The following BTF3L4 variants were observed in gnomAD, a reference collection of about 807,000 sequenced individuals.
The protein encoded by BTF3L4 is basic transcription factor 3 like 4.
BTF3L4 carries 6 observed loss-of-function variants against 16.8 expected under a neutral mutation model. That is an observed-to-expected ratio of 0.36 (90% confidence interval 0.20 to 0.71). BTF3L4 has a LOEUF of 0.71. BTF3L4 is among the 30% of genes least tolerant of loss of function. The probability of loss-of-function intolerance (pLI) is 0.58; values close to 1 mark genes in which losing one functional copy is unlikely to be tolerated. For missense variants in BTF3L4, 92 were observed against 186.9 expected (o/e 0.49, Z 2.96); for synonymous variants, 39 against 59.8 (o/e 0.65, Z 1.60).
chr1:52,085,049 C>G (rs1643958894), intron 4 of BTF3L4, among the ~76,000 whole-genome samples: 1 of 96,134 alleles, frequency 1.0e-5, no homozygotes, highest in Non-Finnish European at 1.9e-5. Flanking sequence ...GAGACAGAGT[C>G]TTGCTCTGTT....
chr1:52,083,438 A>G lies in BTF3L4; in HGVS notation c.267A>G (p.Ala89=). Residue 89 remains alanine (A), a synonymous_variant, in exon 4 of 6, where the codon GCA becomes GCG. Coordinates refer to ENST00000313334, the MANE Select transcript of BTF3L4 (RefSeq NM_152265.5). ...ATACCTTTGCAATTACTGGTCATGC[A>G]GAAGCCAAACCAATCACAGAAATGC... ...SANTFAITGH[A]EAKPITEMLP... 1 of 1,610,058 alleles carries G rather than the reference A, an allele frequency of 6.2e-7. No homozygotes were observed. Among genetic ancestry groups the G allele is most frequent in the Non-Finnish European group, 8.5e-7 (1 of 1,176,558 alleles).
At chr1:52,077,347 G>A (rs750593570) in intron 3 of BTF3L4, among the ~76,000 whole-genome samples, 2 of 152,126 alleles carry the variant, frequency 1.3e-5, no homozygotes, top group South Asian at 2.1e-4. Flanking sequence ...TTTGAGACCA[G>A]CCTGGCCAAC....
In BTF3L4 at chr1:52,089,694, T is replaced by C. The variant is rs1243068752; in HGVS notation, c.*2936T>C. On this transcript the variant is annotated 3_prime_UTR_variant, in exon 6 of 6. Coordinates refer to ENST00000313334, the MANE Select transcript of BTF3L4 (RefSeq NM_152265.5). The stretch of plus-strand genomic sequence containing the variant: ...TAATTTTTGTGTTAGTCCTTTGAGG[T>C]TTTTTTGTTTTTGTTTTTGTTCTTT... 5 of 152,068 alleles carry C rather than the reference T, an allele frequency of 3.3e-5. No homozygotes were observed. The highest frequency in any genetic ancestry group is 7.4e-5 in the Non-Finnish European group (5 of 68,012). 9.4% of individuals were successfully genotyped at this position (152,068 alleles called of 1,614,324 possible). A position where few individuals can be genotyped will look rare whatever the true frequency, so the allele number is the denominator to read the frequency against.
intron 2 of BTF3L4, among the ~76,000 whole-genome samples, chr1:52,063,266 A>G (rs936006448): frequency 6.6e-6 from 1 of 152,226 alleles, no homozygotes; most frequent in Non-Finnish European, 1.5e-5. Flanking sequence ...TTAGGAAATA[A>G]GAATAGATTG....
At chr1:52,074,871 A>G (rs1288170539) in intron 3 of BTF3L4, among the ~76,000 whole-genome samples, 3 of 152,030 alleles carry the variant, frequency 2.0e-5, no homozygotes, top group Non-Finnish European at 4.4e-5. Flanking sequence ...TTTTGAAACA[A>G]GGTCTCACTC....
At chr1:52,077,400 G>A (rs1686960944) in intron 3 of BTF3L4, among the ~76,000 whole-genome samples, 1 of 152,088 alleles carries the variant, frequency 6.6e-6, no homozygotes, top group Non-Finnish European at 1.5e-5. Context: ...AAATTAGCTG[G>A]GCGTGGTGTC....
At chr1:52,058,689 C>T (rs1558002900) in intron 1 of BTF3L4, among the ~76,000 whole-genome samples, 1 of 152,060 alleles carries the variant, frequency 6.6e-6, no homozygotes, top group Non-Finnish European at 1.5e-5. Context: ...GCAACCTCCG[C>T]CTCCCGGGTT....
At chr1:52,078,322 C>G (rs958653166) in intron 3 of BTF3L4, among the ~76,000 whole-genome samples, 1 of 149,964 alleles carries the variant, frequency 6.7e-6, no homozygotes, top group Non-Finnish European at 1.5e-5. Context: ...CTCAGTTTCC[C>G]TAAGTGCTGG....
At chr1:52,069,888 CCTTCCAGAG>C (rs1404491876) in intron 3 of BTF3L4, among the ~76,000 whole-genome samples, 1 of 151,774 alleles carries the variant, frequency 6.6e-6, no homozygotes, top group Non-Finnish European at 1.5e-5. Context: ...TTTTTTTCCC[CCTTCCAGAG>C]CTTAATTGGT....
rs1006068494 is a variant in BTF3L4 at position 52,073,937 on chromosome 1, C to T, written c.168+8999C>T. 3.3e-5 allele frequency among the ~76,000 whole-genome samples: 5 copies of T among 152,030 alleles called. No individual in the cohort carries two copies. The East Asian group carries it at 9.7e-4, about 30-fold the overall frequency. ...GCTTGAACCCAGGAGGCGGAGGTTG[C>T]AGTGAACTGAGATCGTGTCACTGCA... On this transcript the variant is annotated intron_variant, in intron 3 of 5. Coordinates refer to ENST00000313334, the MANE Select transcript of BTF3L4 (RefSeq NM_152265.5).
intron 3 of BTF3L4, among the ~76,000 whole-genome samples, chr1:52,067,547 C>T (rs576978574): frequency 6.6e-6 from 1 of 152,202 alleles, no homozygotes; most frequent in African/African-American, 2.4e-5. Flanking sequence ...TATATATTTT[C>T]ATGGACCTCA....
rs577360666 is a variant in BTF3L4, at chr1:52,076,548, C to T, written c.169-6792C>T. Among the ~76,000 whole-genome samples the T allele has an allele frequency of 8.8e-5, 12 of 136,044 alleles. No individual in the cohort carries two copies. In the South Asian group the frequency reaches 2.1e-3, roughly 24 times the overall value. The allele number at this position is 136,044 out of a possible 152,430, so 89.3% of individuals were successfully genotyped here. ...GCCGGAGGTTGCAGTGAGCCGAGAT[C>T]GCACCACTGCACTCCAGCCTGGGTG... On this transcript the variant is annotated intron_variant, in intron 3 of 5. Transcript: ENST00000313334.
intron 3 of BTF3L4, among the ~76,000 whole-genome samples, chr1:52,081,571 C>T (rs532322157): frequency 3.3e-5 from 5 of 152,152 alleles, no homozygotes; most frequent in Admixed American, 1.3e-4. Flanking sequence ...TCATCCTTCT[C>T]GAGCCCAGAT....
At chr1:52,084,281 A>G (rs1643949583) in intron 4 of BTF3L4, among the ~76,000 whole-genome samples, 1 of 152,020 alleles carries the variant, frequency 6.6e-6, no homozygotes, top group Non-Finnish European at 1.5e-5. Flanking sequence ...CAGGGACTAC[A>G]GGTGGTGTGC....
intron 3 of BTF3L4, among the ~76,000 whole-genome samples, chr1:52,069,193 A>G (rs1448961443): frequency 6.6e-6 from 1 of 152,170 alleles, no homozygotes; most frequent in African/African-American, 2.4e-5. Flanking sequence ...CAAGGTGGCA[A>G]CCATAAAATT....
rs1295684833 is a variant in BTF3L4, at chr1:52,075,981, A to G, written c.169-7359A>G. On this transcript the variant is annotated intron_variant, in intron 3 of 5. Coordinates refer to ENST00000313334, the MANE Select transcript of BTF3L4 (RefSeq NM_152265.5). The stretch of plus-strand genomic sequence containing the variant: ...TGCTCGGCCTCTGTAGATTCTTGAA[A>G]GTGTAGTTACTGGCTGAAAGAGCCA... Among the ~76,000 whole-genome samples, 4 of 152,202 alleles carry G rather than the reference A, an allele frequency of 2.6e-5. No homozygotes were observed. The East Asian group carries it at 7.7e-4, about 29-fold the overall frequency.
chr1:52,059,159 T>C (rs1373113501), intron 1 of BTF3L4, among the ~76,000 whole-genome samples: 1 of 151,992 alleles, frequency 6.6e-6, no homozygotes, highest in Non-Finnish European at 1.5e-5. Flanking sequence ...TGCAAGAATG[T>C]CTTGACAAGT....
chr1:52,090,422 C>T lies in BTF3L4; in HGVS notation c.*3664C>T, dbSNP rs551012470. ...ACCTGTGTTGAACAACACTCCAGTT[C>T]AGCCTGTATTGCTATGCCACATAGA... On this transcript the variant is annotated 3_prime_UTR_variant, in exon 6 of 6. Transcript: ENST00000313334. 1 of 152,184 alleles carries T rather than the reference C, an allele frequency of 6.6e-6. No individual in the cohort carries two copies. The highest frequency in any genetic ancestry group is 1.5e-5 in the Non-Finnish European group (1 of 68,036). The allele number at this position is 152,184 out of a possible 1,614,324, so 9.4% of individuals were successfully genotyped here.
At chr1:52,063,489 C>T (rs1686571517) in intron 2 of BTF3L4, among the ~76,000 whole-genome samples, 1 of 151,988 alleles carries the variant, frequency 6.6e-6, no homozygotes, top group Admixed American at 6.6e-5. Flanking sequence ...AGACTGAAGC[C>T]CCTACCTTAC....
Sources: gnomAD v4.1 joint callset for allele counts (sites outside exome capture counted in the v4.1 genomes callset) on GRCh38, gnomAD v4.1.1 for gene constraint, MANE v1.5 for transcripts, NCBI Gene and HGNC (gene_info 2026-07-23, HGNC 2026-07-21) for gene names.